SYT1: variants seen among roughly 807,000 people sequenced by gnomAD.
SYT1 encodes synaptotagmin-1.
SYT1 carries 8 observed loss-of-function variants against 44.8 expected under a neutral mutation model. That is an observed-to-expected ratio of 0.18 (90% CI 0.10 to 0.32). SYT1 has a LOEUF of 0.32. SYT1 is among the 10% of genes least tolerant of loss of function. The pLI is 1.00. For missense variants in SYT1, 286 were observed against 509.3 expected, an observed-to-expected ratio of 0.56 and a Z score of 4.22; for synonymous variants, 154 against 188.8, an observed-to-expected ratio of 0.82 and a Z score of 1.51.
rs1053594803 is a variant in SYT1 at position 79,218,583 on chromosome 12, A to T, written c.166+898A>T. Among the ~76,000 whole-genome samples the T allele has an allele frequency of 2.6e-5, 4 of 152,320 alleles. No individual in the cohort carries two copies. The South Asian group carries it at 8.3e-4, about 32-fold the overall frequency. On this transcript the variant is annotated intron_variant, in intron 4 of 10. Transcript: ENST00000261205. ...CACCATTCTACTCTCTACTTCTATG[A>T]AATCAACTTTTTTAGATTTCACATA...
chr12:78,961,994 A>T (rs1201599085), intron 1 of SYT1, among the ~76,000 whole-genome samples: 1 of 152,162 alleles, frequency 6.6e-6, no homozygotes, highest in East Asian at 1.9e-4. Context: ...ACTAAATTGT[A>T]TTGAGACGAA....
chr12:78,925,157 A>G (rs1264141591), intron 1 of SYT1, among the ~76,000 whole-genome samples: 4 of 151,916 alleles, frequency 2.6e-5, no homozygotes, highest in African/African-American at 9.7e-5. Flanking sequence ...CGCCTCCAAA[A>G]TCAACACCTT....
chr12:79,112,200 A>T (rs902972580), intron 3 of SYT1, among the ~76,000 whole-genome samples: 2 of 152,070 alleles, frequency 1.3e-5, no homozygotes, highest in African/African-American at 4.8e-5. Context: ...AAAGAAAGAG[A>T]TACTAACAGA....
intron 3 of SYT1, among the ~76,000 whole-genome samples, chr12:79,092,757 A>T (rs1029871854): frequency 1.3e-5 from 2 of 151,694 alleles, no homozygotes; most frequent in Non-Finnish European, 3.0e-5. Context: ...TTTTCTATAA[A>T]TTTCATTGAA....
intron 8 of SYT1, among the ~76,000 whole-genome samples, chr12:79,341,920 G>A (rs575401169): frequency 2.0e-5 from 3 of 152,046 alleles, no homozygotes; most frequent in Non-Finnish European, 2.9e-5. Context: ...CACCCGCCTC[G>A]TCATTCAGAA....
intron 3 of SYT1, among the ~76,000 whole-genome samples, chr12:79,051,270 T>G (rs1377480686): frequency 6.6e-5 from 10 of 151,194 alleles, no homozygotes; most frequent in Non-Finnish European, 1.3e-4. Context: ...ATTAGAATGA[T>G]GTTTATAAAA....
chr12:78,887,646 A>T (rs1874822750), intron 1 of SYT1, among the ~76,000 whole-genome samples: 1 of 151,846 alleles, frequency 6.6e-6, no homozygotes, highest in Non-Finnish European at 1.5e-5. Flanking sequence ...CTGTAACGTA[A>T]TTGCTTTTGT....
At chr12:79,126,407 T>C (rs919328114) in intron 3 of SYT1, among the ~76,000 whole-genome samples, 1 of 152,134 alleles carries the variant, frequency 6.6e-6, no homozygotes, top group African/African-American at 2.4e-5. Flanking sequence ...ATTGCAGGCA[T>C]GTGCCACCAC....
At chr12:79,391,058 C>T (rs1035718211) in intron 9 of SYT1, among the ~76,000 whole-genome samples, 2 of 152,200 alleles carry the variant, frequency 1.3e-5, no homozygotes, top group African/African-American at 4.8e-5. Flanking sequence ...TTTGGGAAAG[C>T]TGCTTAACAA....
chr12:78,908,004 C>T (rs140613317), intron 1 of SYT1, among the ~76,000 whole-genome samples: 4 of 151,926 alleles, frequency 2.6e-5, no homozygotes, highest in Non-Finnish European at 4.4e-5. Context: ...AGCCAGCAGC[C>T]GTGTGATCAC....
intron 3 of SYT1, among the ~76,000 whole-genome samples, chr12:79,131,415 G>T (rs1313491692): frequency 6.6e-6 from 1 of 151,492 alleles, no homozygotes; most frequent in Non-Finnish European, 1.5e-5. Context: ...TGTTTGTTTT[G>T]TGTGTGTGTG....
chr12:79,378,182 C>A (rs1884077308), intron 9 of SYT1, among the ~76,000 whole-genome samples: 2 of 152,170 alleles, frequency 1.3e-5, no homozygotes, highest in African/African-American at 4.8e-5. Flanking sequence ...TATTAGAAAT[C>A]TTTGCCTCAC....
chr12:79,030,396 C>G (rs1872758996), intron 2 of SYT1, among the ~76,000 whole-genome samples: 1 of 151,050 alleles, frequency 6.6e-6, no homozygotes, highest in South Asian at 2.1e-4. Context: ...CAGTGCTTTT[C>G]TCCCTCCATA....
chr12:79,149,835 C>T (rs1407847464), intron 3 of SYT1, among the ~76,000 whole-genome samples: 4 of 152,132 alleles, frequency 2.6e-5, no homozygotes, highest in Admixed American at 2.6e-4. Flanking sequence ...ACCATAAACT[C>T]TACACTGGCC....
At chr12:79,223,127 G>A (rs564918948) in intron 4 of SYT1, among the ~76,000 whole-genome samples, 1 of 152,240 alleles carries the variant, frequency 6.6e-6, no homozygotes, top group Non-Finnish European at 1.5e-5. Flanking sequence ...TCAGTCACTT[G>A]CACCTTAGTT....
At chr12:79,189,095 G>T (rs1872964238) in intron 3 of SYT1, among the ~76,000 whole-genome samples, 1 of 152,102 alleles carries the variant, frequency 6.6e-6, no homozygotes. Context: ...TGAGTAAAAA[G>T]ATGACTAGAC....
rs921588154 is a variant in SYT1 at position 79,041,510 on chromosome 12, T to G, written c.-83-5787T>G. 3.3e-3 allele frequency among the ~76,000 whole-genome samples: 506 copies of G among 152,224 alleles called. 5 individuals carry two copies. The highest frequency in any genetic ancestry group is 0.011 in the African/African-American group (470 of 41,522). On this transcript the variant is annotated intron_variant, in intron 2 of 10. Coordinates refer to ENST00000261205, the MANE Select transcript of SYT1 (RefSeq NM_005639.3). Reference sequence around the variant, plus strand: ...ACTTTGCTGAAGTTGCTTATCAGCTTAAGGAGATTTTGGGCTGAGACAATG... The same window carrying G: ...ACTTTGCTGAAGTTGCTTATCAGCTGAAGGAGATTTTGGGCTGAGACAATG...
intron 1 of SYT1, among the ~76,000 whole-genome samples, chr12:78,921,502 G>A (rs58061920): frequency 0.22 from 33,218 of 151,636 alleles, 3,904 homozygotes; most frequent in South Asian, 0.39. Context: ...TTTTTTTTCT[G>A]TACAAGAAAG....
At chr12:79,108,785 AATTT>A (rs759180039) in intron 3 of SYT1, among the ~76,000 whole-genome samples, 1 of 152,202 alleles carries the variant, frequency 6.6e-6, no homozygotes, top group Non-Finnish European at 1.5e-5. Flanking sequence ...TGCTTTTTAA[AATTT>A]ATTTATGAGT....
Sources: allele counts gnomAD v4.1 joint callset (sites outside exome capture counted in the v4.1 genomes callset), GRCh38; gene constraint gnomAD v4.1.1; transcripts MANE v1.5; gene names NCBI Gene and HGNC (gene_info 2026-07-23, HGNC 2026-07-21).